The following SH3PXD2A variants were observed in gnomAD, a reference collection of about 807,000 sequenced individuals.
The protein encoded by SH3PXD2A is SH3 and PX domain-containing protein 2A.
Under a neutral mutation model 115.2 loss-of-function variants are expected in SH3PXD2A, and 32 were observed. That is an observed-to-expected ratio of 0.28 (90% CI 0.21 to 0.37). The LOEUF is 0.37. SH3PXD2A is among the 10% of genes least tolerant of loss of function. The probability of loss-of-function intolerance (pLI) is 1.00; values close to 1 mark genes in which losing one functional copy is unlikely to be tolerated. For synonymous variants in SH3PXD2A, 610 were observed against 629.1 expected (o/e 0.97, Z 0.45); for missense variants, 1,328 against 1,498.7 (o/e 0.89, Z 1.88).
chr10:103,752,641 C>T (rs749389024), intron 3 of SH3PXD2A, among the ~76,000 whole-genome samples: 3 of 152,162 alleles, frequency 2.0e-5, no homozygotes, highest in African/African-American at 4.8e-5. Context: ...TAAAACCCTG[C>T]GACTTTTCCT....
intron 6 of SH3PXD2A, among the ~76,000 whole-genome samples, chr10:103,675,667 G>T (rs949733049): frequency 2.6e-5 from 4 of 152,220 alleles, no homozygotes; most frequent in Non-Finnish European, 5.9e-5. Context: ...GCTAGGTGCT[G>T]TGCTAAACAT....
chr10:103,608,041 A>G (rs1305186141), intron 13 of SH3PXD2A, among the ~76,000 whole-genome samples: 1 of 150,568 alleles, frequency 6.6e-6, no homozygotes, highest in East Asian at 2.0e-4. Context: ...CTCTGCCTAG[A>G]AAAACCAGAG....
chr10:103,806,698 T>C lies in SH3PXD2A; in HGVS notation c.73-5336A>G, dbSNP rs375057577. Among the ~76,000 whole-genome samples the C allele has an allele frequency of 3.3e-5, 5 of 152,320 alleles. No homozygotes were observed. The East Asian group carries it at 9.6e-4, about 29-fold the overall frequency. ...TGGGGTTATGTTTCACGGGTGGAGT[T>C]TCTCTTCCTTCTGGATTTTAAAAAC... On this transcript the variant is annotated intron_variant, in intron 1 of 14. Coordinates refer to ENST00000369774, the MANE Select transcript of SH3PXD2A (RefSeq NM_001394015.1).
chr10:103,823,591 C>T (rs2039401686), intron 1 of SH3PXD2A, among the ~76,000 whole-genome samples: 1 of 152,250 alleles, frequency 6.6e-6, no homozygotes, highest in Non-Finnish European at 1.5e-5. Flanking sequence ...GGTACAAGCC[C>T]ATCTAACAGA....
At chr10:103,728,359 C>T (rs542373560) in intron 4 of SH3PXD2A, among the ~76,000 whole-genome samples, 15 of 152,314 alleles carry the variant, frequency 9.8e-5, no homozygotes, top group African/African-American at 3.6e-4. Flanking sequence ...TTAGTGTCAT[C>T]GCTGCCATTG....
Position 103,661,325 on chromosome 10 carries a change from G to A in SH3PXD2A, c.473-211C>T, listed in dbSNP as rs540176612. Among the ~76,000 whole-genome samples, 119 of 152,358 alleles carry A rather than the reference G, an allele frequency of 7.8e-4. 1 individual carries two copies. The highest frequency in any genetic ancestry group is 2.8e-3 in the African/African-American group (115 of 41,590). ...ACCGGCCCGCTGCACCGCGGGGTCC[G>A]GGGGACATGGGGAGCCAGGGGGCCG... On this transcript the variant is annotated intron_variant, in intron 7 of 14. Coordinates refer to ENST00000369774, the MANE Select transcript of SH3PXD2A (RefSeq NM_001394015.1).
At chr10:103,629,432 A>T (rs1379396332) in intron 8 of SH3PXD2A, among the ~76,000 whole-genome samples, 1 of 152,156 alleles carries the variant, frequency 6.6e-6, no homozygotes, top group Non-Finnish European at 1.5e-5. Flanking sequence ...GGGTGATGAG[A>T]CTGCTTCCAG....
At chr10:103,781,307 C>T (rs1480740167) in intron 2 of SH3PXD2A, among the ~76,000 whole-genome samples, 3 of 152,214 alleles carry the variant, frequency 2.0e-5, no homozygotes, top group Admixed American at 1.3e-4. Context: ...GTAATGTACC[C>T]TTCCCTTTGG....
At chr10:103,843,577 C>T (rs1842805885) in intron 1 of SH3PXD2A, among the ~76,000 whole-genome samples, 2 of 152,170 alleles carry the variant, frequency 1.3e-5, no homozygotes, top group South Asian at 4.1e-4. Flanking sequence ...CAGATCTGTT[C>T]CTATAGCAAG....
intron 11 of SH3PXD2A, among the ~76,000 whole-genome samples, chr10:103,615,029 CAG>C (rs2036488316): frequency 6.6e-6 from 1 of 152,140 alleles, no homozygotes; most frequent in South Asian, 2.1e-4. Context: ...TGGGTGCAAA[CAG>C]AAGCACAGAA....
chr10:103,607,756 T>G (rs1250254611), intron 13 of SH3PXD2A, among the ~76,000 whole-genome samples: 1 of 152,150 alleles, frequency 6.6e-6, no homozygotes, highest in Non-Finnish European at 1.5e-5. Context: ...GGTTGCCGCG[T>G]CTGTGTAGAA....
chr10:103,727,632 C>T (rs1204650351), intron 4 of SH3PXD2A, among the ~76,000 whole-genome samples: 1 of 152,208 alleles, frequency 6.6e-6, no homozygotes, highest in Non-Finnish European at 1.5e-5. Context: ...CAGACCCTGG[C>T]CAGCCATGGC....
At chr10:103,807,338 G>A (rs575781622) in intron 1 of SH3PXD2A, among the ~76,000 whole-genome samples, 1 of 152,328 alleles carries the variant, frequency 6.6e-6, no homozygotes, top group South Asian at 2.1e-4. Context: ...AAGGAGTTAG[G>A]AGCTATGGAG....
At chr10:103,622,630 T>TTG in intron 9 of SH3PXD2A, 77 bp from the exon 10 acceptor site, 2 of 481,372 alleles carry the variant, frequency 4.2e-6, no homozygotes, top group East Asian at 5.2e-5. Flanking sequence ...TGAGATGGGA[T>TTG]GGGGGTGGGA....
chr10:103,845,623 G>C (rs1477449804), intron 1 of SH3PXD2A, among the ~76,000 whole-genome samples: 1 of 152,174 alleles, frequency 6.6e-6, no homozygotes, highest in African/African-American at 2.4e-5. Flanking sequence ...GGGCTGCTCT[G>C]TCTATGGAGC....
chr10:103,633,177 G>C (rs1359991684), intron 8 of SH3PXD2A, among the ~76,000 whole-genome samples: 1 of 152,172 alleles, frequency 6.6e-6, no homozygotes, highest in Non-Finnish European at 1.5e-5. Context: ...CAGCACTTTG[G>C]GATCCAGGCA....
At chr10:103,853,956 T>C (rs1842918064) in intron 1 of SH3PXD2A, among the ~76,000 whole-genome samples, 1 of 152,090 alleles carries the variant, frequency 6.6e-6, no homozygotes, top group Non-Finnish European at 1.5e-5. Context: ...GAAACAACTC[T>C]CTAAGGGTGT....
intron 8 of SH3PXD2A, among the ~76,000 whole-genome samples, chr10:103,659,536 G>A (rs1012101226): frequency 9.9e-5 from 15 of 152,146 alleles, no homozygotes; most frequent in African/African-American, 3.1e-4. Flanking sequence ...CTTACTTTGC[G>A]GGCAGGGACG....
intron 3 of SH3PXD2A, among the ~76,000 whole-genome samples, chr10:103,766,060 C>T (rs2038751180): frequency 6.6e-6 from 1 of 152,216 alleles, no homozygotes. Flanking sequence ...ACATCTTTCG[C>T]TGCTTTTGAG....
Sources: allele counts gnomAD v4.1 joint callset (sites outside exome capture counted in the v4.1 genomes callset), GRCh38; gene constraint gnomAD v4.1.1; transcripts MANE v1.5; gene names NCBI Gene and HGNC (gene_info 2026-07-23, HGNC 2026-07-21).